Variants in CTNNA2 observed in about 807,000 individuals in gnomAD.
CTNNA2 encodes catenin alpha 2.
Under a neutral mutation model 101.0 loss-of-function variants are expected in CTNNA2, and 42 were observed. That is an observed-to-expected ratio of 0.42 (90% CI 0.32 to 0.54). The LOEUF (loss-of-function observed/expected upper bound fraction) is 0.54. Among genes scored for constraint, CTNNA2 ranks in the 20% least tolerant of loss-of-function variants. The pLI is 0.14. For missense variants in CTNNA2, 871 were observed against 1,223.1 expected (o/e 0.71, Z 4.29); for synonymous variants, 450 against 456.4 (o/e 0.99, Z 0.18).
intron 3 of CTNNA2, among the ~76,000 whole-genome samples, chr2:79,357,194 C>T (rs534903491): frequency 6.6e-6 from 1 of 152,178 alleles, no homozygotes; most frequent in Non-Finnish European, 1.5e-5. Context: ...AGTGTGGTGG[C>T]ATGCACCTGT....
intron 1 of CTNNA2, among the ~76,000 whole-genome samples, chr2:79,605,215 T>C (rs1166473976): frequency 6.6e-6 from 1 of 152,110 alleles, no homozygotes; most frequent in Non-Finnish European, 1.5e-5. Context: ...GTGAAAAATA[T>C]ACTGGATGGG....
chr2:80,094,543 C>A (rs1177315350), intron 7 of CTNNA2, among the ~76,000 whole-genome samples: 6 of 152,016 alleles, frequency 3.9e-5, no homozygotes, highest in African/African-American at 9.7e-5. Flanking sequence ...TTCTGTGAAG[C>A]AAGTCATTGG....
At chr2:79,187,265 CTTTTCTTT>C (rs1673791548) in intron 1 of CTNNA2, among the ~76,000 whole-genome samples, 1 of 83,404 alleles carries the variant, frequency 1.2e-5, no homozygotes. Flanking sequence ...CTTTTCTTTT[CTTTTCTTT>C]TTTTTTTTTT....
chr2:79,604,963 G>C lies in CTNNA2; in HGVS notation c.-5-46589G>C, dbSNP rs569345798. ...AGAACCTAACACAGCAGAATACACAGTGTCTGGCATCCAATCACAAATTAC... is the reference window on the plus strand; with the variant it reads ...AGAACCTAACACAGCAGAATACACACTGTCTGGCATCCAATCACAAATTAC... On this transcript the variant is annotated intron_variant, in intron 1 of 18. Transcript: ENST00000402739. Among the ~76,000 whole-genome samples the C allele has an allele frequency of 2.0e-4, 30 of 152,306 alleles. 2 individuals carry two copies. In the South Asian group the frequency reaches 6.2e-3, roughly 32 times the overall value.
chr2:79,305,536 G>A (rs1043785029), intron 2 of CTNNA2, among the ~76,000 whole-genome samples: 3 of 151,110 alleles, frequency 2.0e-5, no homozygotes, highest in East Asian at 1.9e-4. Flanking sequence ...TTGCTTTCTC[G>A]ATCTTACCCC....
At chr2:79,632,301 C>T (rs761269276) in intron 1 of CTNNA2, among the ~76,000 whole-genome samples, 6 of 151,844 alleles carry the variant, frequency 4.0e-5, no homozygotes, top group Admixed American at 2.6e-4. Context: ...AAATATTCCT[C>T]GATAAAAATT....
intron 4 of CTNNA2, among the ~76,000 whole-genome samples, chr2:79,470,809 T>G (rs534859321): frequency 2.0e-5 from 3 of 152,344 alleles, no homozygotes; most frequent in Admixed American, 2.0e-4. Flanking sequence ...TATAACTAAC[T>G]TTGGTGCATA....
chr2:79,544,989 G>C (rs77495082), intron 1 of CTNNA2, among the ~76,000 whole-genome samples: 3 of 152,026 alleles, frequency 2.0e-5, no homozygotes, highest in Non-Finnish European at 2.9e-5. Flanking sequence ...GCAATAGGCC[G>C]GGGCTATCCA....
intron 4 of CTNNA2, among the ~76,000 whole-genome samples, chr2:79,410,103 G>C (rs1345860367): frequency 6.7e-6 from 1 of 148,234 alleles, no homozygotes; most frequent in Non-Finnish European, 1.5e-5. Context: ...CCCTCTGTTT[G>C]TCTGTTATTG....
chr2:80,011,684 CAA>C (rs1374426541), intron 7 of CTNNA2, among the ~76,000 whole-genome samples: 2 of 152,140 alleles, frequency 1.3e-5, no homozygotes, highest in Non-Finnish European at 2.9e-5. Context: ...TGGTTTTCAT[CAA>C]GTCATCATCT....
At chr2:79,550,957 G>A (rs1674062545) in intron 1 of CTNNA2, among the ~76,000 whole-genome samples, 1 of 152,126 alleles carries the variant, frequency 6.6e-6, no homozygotes, top group Non-Finnish European at 1.5e-5. Flanking sequence ...AAGAGTGGAG[G>A]AATAGAGGAA....
intron 7 of CTNNA2, among the ~76,000 whole-genome samples, chr2:80,385,679 G>A (rs1035501617): frequency 1.3e-5 from 2 of 151,462 alleles, no homozygotes; most frequent in Non-Finnish European, 2.9e-5. Flanking sequence ...TCCCTTTCTT[G>A]CCGCAGTTTC....
rs929272680 is a variant in CTNNA2 at position 80,549,291 on chromosome 2, A to T, written c.1540+3228A>T. ...GAAGCTAAGATCTGAAAAAGCTATT[A>T]ACTTGATCTCATAATGCCCAAGAGT... On this transcript the variant is annotated intron_variant, in intron 11 of 18. Transcript: ENST00000402739. Among the ~76,000 whole-genome samples the T allele has an allele frequency of 7.9e-5, 12 of 152,304 alleles. No individual in the cohort carries two copies. The East Asian group carries it at 2.3e-3, about 29-fold the overall frequency.
chr2:80,622,086 A>G (rs190281122), intron 18 of CTNNA2, among the ~76,000 whole-genome samples: 20 of 152,074 alleles, frequency 1.3e-4, no homozygotes, highest in African/African-American at 4.8e-4. Flanking sequence ...ATCAAAATGT[A>G]TTGCTTACAG....
chr2:80,171,001 C>T (rs1001614476), intron 7 of CTNNA2, among the ~76,000 whole-genome samples: 2 of 152,146 alleles, frequency 1.3e-5, no homozygotes, highest in African/African-American at 4.8e-5. Flanking sequence ...GGGCATTGCT[C>T]TCAATATAAG....
intron 7 of CTNNA2, chr2:80,162,332 A>G: frequency 9.8e-7 from 1 of 1,016,704 alleles, no homozygotes; most frequent in Non-Finnish European, 1.4e-6. Context: ...AAATGTATAA[A>G]GAAATGTGAC....
intron 7 of CTNNA2, among the ~76,000 whole-genome samples, chr2:80,286,564 G>A (rs572788026): frequency 5.9e-5 from 9 of 152,342 alleles, no homozygotes; most frequent in African/African-American, 2.2e-4. Flanking sequence ...CGCTTAGCCA[G>A]TGTTTCCCTT....
At chr2:80,483,773 A>G (rs1686331137) in intron 9 of CTNNA2, among the ~76,000 whole-genome samples, 1 of 152,206 alleles carries the variant, frequency 6.6e-6, no homozygotes, top group Non-Finnish European at 1.5e-5. Context: ...GTGATTTGAT[A>G]AATTGAGTCA....
At chr2:79,432,758 G>C (rs1432469304) in intron 4 of CTNNA2, among the ~76,000 whole-genome samples, 1 of 152,208 alleles carries the variant, frequency 6.6e-6, no homozygotes, top group African/African-American at 2.4e-5. Flanking sequence ...GCATCAAAGA[G>C]AAACTTATTC....
Sources: allele counts gnomAD v4.1 joint callset (sites outside exome capture counted in the v4.1 genomes callset), GRCh38; gene constraint gnomAD v4.1.1; transcripts MANE v1.5; gene names NCBI Gene and HGNC (gene_info 2026-07-23, HGNC 2026-07-21).